The following NFASC variants were observed in gnomAD, a reference collection of about 807,000 sequenced individuals.
NFASC encodes neurofascin homolog.
NFASC carries 43 observed loss-of-function variants against 147.5 expected under a neutral mutation model. That is an observed-to-expected ratio of 0.29 (90% CI 0.23 to 0.38). The LOEUF is 0.38. Ranked by LOEUF, NFASC falls within the 10% of genes least tolerant of loss-of-function variation. NFASC has a pLI of 1.00. For synonymous variants in NFASC, 622 were observed against 665.5 expected, an observed-to-expected ratio of 0.93 and a Z score of 1.01; for missense variants, 1,320 against 1,689.0, an observed-to-expected ratio of 0.78 and a Z score of 3.83.
intron 28 of NFASC, 177 bp from the exon 29 acceptor site, chr1:205,012,620 G>T: frequency 1.6e-6 from 1 of 627,054 alleles, no homozygotes; most frequent in South Asian, 1.9e-5. Flanking sequence ...GAGTCAACTT[G>T]GCAACTGATT....
chr1:205,003,289 A>G (rs73077344), intron 27 of NFASC, among the ~76,000 whole-genome samples: 3,127 of 152,286 alleles, frequency 0.021, 79 homozygotes, highest in African/African-American at 0.05. Flanking sequence ...TTTGTCCCAA[A>G]TTTGTCTTGG....
chr1:204,843,389 C>T (rs962847322), intron 1 of NFASC, among the ~76,000 whole-genome samples: 3 of 152,166 alleles, frequency 2.0e-5, no homozygotes, highest in African/African-American at 7.2e-5. Flanking sequence ...CTTGCAAAAT[C>T]GTAGTACACT....
chr1:205,003,683 A>G (rs1245114404), intron 27 of NFASC, among the ~76,000 whole-genome samples: 1 of 152,328 alleles, frequency 6.6e-6, no homozygotes, highest in African/African-American at 2.4e-5. Flanking sequence ...TTAGATACAC[A>G]GCATAGCGGA....
At chr1:204,967,961 C>CG in intron 8 of NFASC, 3 of 266,794 alleles carry the variant, frequency 1.1e-5, no homozygotes, top group South Asian at 5.6e-5. Flanking sequence ...CTCAGACAGC[C>CG]CCTCCCCGTT....
chr1:204,971,814 T>C (rs1018093141), intron 11 of NFASC, among the ~76,000 whole-genome samples: 1 of 152,164 alleles, frequency 6.6e-6, no homozygotes, highest in African/African-American at 2.4e-5. Context: ...AGCAGAGATA[T>C]GGACACTGCC....
chr1:204,889,674 GC>G (rs1324177324), intron 1 of NFASC, among the ~76,000 whole-genome samples: 2 of 152,076 alleles, frequency 1.3e-5, no homozygotes, highest in African/African-American at 4.8e-5. Flanking sequence ...CTAGACGTCC[GC>G]CCCCAGTGTG....
At chr1:204,953,931 C>T (rs2094287980) in intron 5 of NFASC, among the ~76,000 whole-genome samples, 1 of 152,200 alleles carries the variant, frequency 6.6e-6, no homozygotes, top group African/African-American at 2.4e-5. Context: ...GAGTCCCAGT[C>T]TTAGGTGGGT....
At position 204,991,397 on chromosome 1, in the gene NFASC, C is replaced by T. The variant is rs542208179; in HGVS notation, c.2782+91C>T. ...CAGGGCGGACAAGGAGGGAGAGGCT[C>T]AGGCTGAAAGCATGCTCCAGACTCA... On this transcript the variant is annotated intron_variant, in intron 24 of 29. Transcript: ENST00000339876. 2.2e-4 allele frequency: 295 copies of T among 1,358,524 alleles called. 1 individual carries two copies. The highest frequency in any genetic ancestry group is 2.6e-5 in the Non-Finnish European group (25 of 967,378). 84.2% of individuals were successfully genotyped at this position (1,358,524 alleles called of 1,614,324 possible).
At chr1:204,911,273 G>C (rs1340530677) in intron 1 of NFASC, among the ~76,000 whole-genome samples, 2 of 152,170 alleles carry the variant, frequency 1.3e-5, no homozygotes, top group African/African-American at 2.4e-5. Context: ...AACCAGCCTT[G>C]CATCCCTGGA....
At chr1:204,890,338 G>A (rs943389478) in intron 1 of NFASC, among the ~76,000 whole-genome samples, 12 of 152,180 alleles carry the variant, frequency 7.9e-5, no homozygotes. Flanking sequence ...GTGATTGAGG[G>A]ATCCAGACGG....
Position 204,975,159 on chromosome 1 carries a change from C to G in NFASC, c.1559-112C>G. On this transcript the variant is annotated intron_variant, in intron 14 of 29. Coordinates refer to ENST00000339876, the MANE Select transcript of NFASC (RefSeq NM_001005388.3). The surrounding 1 kb of genome is among the most constrained non-coding windows in gnomAD (Gnocchi z 4.0). ...CATACCATAGCATACTGTTTGTGCC[C>G]CACTCCATAGTTGGCCCAAGGCCTC... 6 of 1,186,552 alleles carry G rather than the reference C, an allele frequency of 5.1e-6. No individual in the cohort carries two copies. The highest frequency in any genetic ancestry group is 7.1e-6 in the Non-Finnish European group (6 of 841,836). The allele number at this position is 1,186,552 out of a possible 1,614,324, so 73.5% of individuals were successfully genotyped here. A position where few individuals can be genotyped will look rare whatever the true frequency, so the allele number is the denominator to read the frequency against.
intron 1 of NFASC, among the ~76,000 whole-genome samples, chr1:204,838,770 G>A (rs952456637): frequency 4.6e-5 from 7 of 152,204 alleles, no homozygotes; most frequent in Admixed American, 2.0e-4. Context: ...CAGTCATCCC[G>A]TTTATCTGGT....
chr1:204,847,935 GT>G (rs1238753438), intron 1 of NFASC, among the ~76,000 whole-genome samples: 1 of 152,210 alleles, frequency 6.6e-6, no homozygotes, highest in African/African-American at 2.4e-5. Context: ...AGTTAATGGT[GT>G]TGATAAGAAG....
chr1:204,995,491 C>T (rs1462302767), intron 24 of NFASC, among the ~76,000 whole-genome samples: 1 of 151,974 alleles, frequency 6.6e-6, no homozygotes, highest in Non-Finnish European at 1.5e-5. Flanking sequence ...GTTGCCCCAC[C>T]GCTCACCCCT....
Position 204,975,148 on chromosome 1 carries a change from C to T in NFASC, c.1559-123C>T. 9.4e-7 allele frequency: 1 copy of T among 1,060,098 alleles called. No individual in the cohort carries two copies. The highest frequency in any genetic ancestry group is 2.4e-5 in the East Asian group (1 of 41,368). 65.7% of individuals were successfully genotyped at this position (1,060,098 alleles called of 1,614,324 possible). A position where few individuals can be genotyped will look rare whatever the true frequency, so the allele number is the denominator to read the frequency against. On this transcript the variant is annotated intron_variant, in intron 14 of 29. Transcript: ENST00000339876. This position sits in a 1 kb window ranked among gnomAD's most constrained non-coding sequence, Gnocchi z 4.0. ...TCTGCTCCGTTCATACCATAGCATA[C>T]TGTTTGTGCCCCACTCCATAGTTGG...
intron 16 of NFASC, among the ~76,000 whole-genome samples, chr1:204,977,410 T>C (rs554710253): frequency 6.6e-6 from 1 of 152,282 alleles, no homozygotes; most frequent in Non-Finnish European, 1.5e-5. Context: ...ATTGGCGCAG[T>C]GGAGAGGCAC....
At chr1:204,849,352 C>T (rs1477100237) in intron 1 of NFASC, among the ~76,000 whole-genome samples, 1 of 152,186 alleles carries the variant, frequency 6.6e-6, no homozygotes, top group Non-Finnish European at 1.5e-5. Context: ...GGGATAGAAA[C>T]TGTCAGAGCT....
In NFASC at chr1:205,012,794, A is replaced by G; in HGVS notation, c.3422-3A>G. On this transcript the variant is annotated splice_region_variant and splice_polypyrimidine_tract_variant and intron_variant, in intron 28 of 29. Transcript: ENST00000339876. Reference sequence around the variant, plus strand: ...TGTGTCTTTGCTTCTCCTTTTGACCAAGTACGAGAAAAGAAGGATGTTCCC... The same window carrying G: ...TGTGTCTTTGCTTCTCCTTTTGACCGAGTACGAGAAAAGAAGGATGTTCCC... 1 of 1,611,308 alleles carries G rather than the reference A, an allele frequency of 6.2e-7. No individual in the cohort carries two copies. The highest frequency in any genetic ancestry group is 1.1e-5 in the South Asian group (1 of 91,002).
intron 1 of NFASC, among the ~76,000 whole-genome samples, chr1:204,848,186 G>A (rs2075344406): frequency 6.6e-6 from 1 of 152,182 alleles, no homozygotes; most frequent in Admixed American, 6.5e-5. Context: ...TGCTCAGTTG[G>A]TCAGGCCCAG....
Sources: gnomAD v4.1 joint callset for allele counts (sites outside exome capture counted in the v4.1 genomes callset) on GRCh38, gnomAD v4.1.1 for gene constraint, Gnocchi (gnomAD v3.1) non-coding constraint, MANE v1.5 for transcripts, NCBI Gene and HGNC (gene_info 2026-07-23, HGNC 2026-07-21) for gene names.